ARAP2: variants seen among roughly 807,000 people sequenced by gnomAD.
The protein encoded by ARAP2 is arf-GAP with Rho-GAP domain, ANK repeat and PH domain-containing protein 2.
A neutral mutation model predicts 194.5 loss-of-function variants in ARAP2; 148 were observed. The observed-to-expected ratio is 0.76, with a 90% CI of 0.67 to 0.87. The LOEUF (loss-of-function observed/expected upper bound fraction) is 0.87. ARAP2 is among the 40% of genes least tolerant of loss of function. The pLI, the probability that ARAP2 is intolerant of heterozygous loss-of-function variation, is 0.00. For missense variants in ARAP2, 2,128 were observed against 1,989.7 expected, an observed-to-expected ratio of 1.07 and a Z score of -1.32; for synonymous variants, 695 against 683.5, an observed-to-expected ratio of 1.02 and a Z score of -0.26.
intron 6 of ARAP2, among the ~76,000 whole-genome samples, chr4:36,197,625 C>G (rs77085218): frequency 0.056 from 8,536 of 152,288 alleles, 271 homozygotes; most frequent in East Asian, 0.097. Flanking sequence ...ACGCTACCAG[C>G]CTGGATCCCA....
intron 32 of ARAP2, among the ~76,000 whole-genome samples, chr4:36,070,610 G>T (rs185854046): frequency 6.6e-6 from 1 of 152,290 alleles, no homozygotes; most frequent in Admixed American, 6.5e-5. Flanking sequence ...CATGGCTTTA[G>T]CCTGGGCCTT....
chr4:36,160,264 G>A (rs967835168), intron 13 of ARAP2, 195 bp downstream of exon 13: 1 of 1,180,458 alleles, frequency 8.5e-7, no homozygotes, highest in Non-Finnish European at 1.0e-6. Context: ...TATGGAGGAA[G>A]AATTTATGCT....
chr4:36,097,316 T>C (rs1293142489), intron 27 of ARAP2, among the ~76,000 whole-genome samples: 1 of 152,062 alleles, frequency 6.6e-6, no homozygotes, highest in Non-Finnish European at 1.5e-5. Flanking sequence ...TGAAGCTCTA[T>C]GATAAATATT....
Position 36,125,031 on chromosome 4 carries a change from TCAG to T in ARAP2, c.3641-67_3641-65del, listed in dbSNP as rs1472273054. On this transcript the variant is annotated intron_variant, in intron 21 of 32. Coordinates refer to ENST00000303965, the MANE Select transcript of ARAP2 (RefSeq NM_015230.4). ...ATTATCTATGTTATGGATTTGTCTA[TCAG>T]CAGTATTGTAAAACAGTCACAAACA... 7.5e-6 allele frequency: 8 copies of T among 1,067,846 alleles called. No homozygotes were observed. In the African/African-American group the frequency reaches 1.3e-4, roughly 17 times the overall value. 66.1% of individuals were successfully genotyped at this position (1,067,846 alleles called of 1,614,324 possible).
intron 25 of ARAP2, 145 bp from the exon 26 acceptor site, chr4:36,114,432 C>T (rs189679408): frequency 7.0e-6 from 4 of 574,196 alleles, no homozygotes; most frequent in Non-Finnish European, 9.2e-6. Context: ...TAATCCCATA[C>T]AGAAAACAGC....
intron 26 of ARAP2, among the ~76,000 whole-genome samples, chr4:36,110,074 C>T (rs1479420749): frequency 6.6e-6 from 1 of 151,658 alleles, no homozygotes; most frequent in East Asian, 1.9e-4. Context: ...AAGGTTTTGC[C>T]CCTTGCCTCA....
rs575567784 is a variant in ARAP2 at position 36,150,845 on chromosome 4, G to A, written c.2897+55C>T. The A allele has an allele frequency of 1.3e-5, 20 of 1,553,220 alleles. No individual in the cohort carries two copies. The South Asian group carries it at 2.2e-4, about 17-fold the overall frequency. On this transcript the variant is annotated intron_variant, in intron 16 of 32. Transcript: ENST00000303965. ...AATGATAACAAAACTCTCATTACCTGTTATAATTATCTGAAAATACCTTTT... is the reference window on the plus strand; with the variant it reads ...AATGATAACAAAACTCTCATTACCTATTATAATTATCTGAAAATACCTTTT...
intron 26 of ARAP2, among the ~76,000 whole-genome samples, chr4:36,112,390 C>T (rs976970789): frequency 4.8e-4 from 73 of 151,842 alleles, no homozygotes; most frequent in African/African-American, 1.6e-3. Context: ...AAGGAAGAGA[C>T]ATTTCACTTA....
intron 19 of ARAP2, among the ~76,000 whole-genome samples, chr4:36,142,333 A>G (rs1204952434): frequency 6.6e-6 from 1 of 151,568 alleles, no homozygotes; most frequent in Non-Finnish European, 1.5e-5. Context: ...TTTTCCATCA[A>G]AATTTAAACT....
chr4:36,220,564 T>A (rs1178083553), intron 2 of ARAP2, among the ~76,000 whole-genome samples: 1 of 152,100 alleles, frequency 6.6e-6, no homozygotes, highest in Non-Finnish European at 1.5e-5. Flanking sequence ...CCACTTATTT[T>A]TTTTTTAAGA....
chr4:36,198,284 G>T (rs1344706168), intron 6 of ARAP2, among the ~76,000 whole-genome samples: 1 of 152,188 alleles, frequency 6.6e-6, no homozygotes, highest in Non-Finnish European at 1.5e-5. Flanking sequence ...GCTGATCCGG[G>T]GGCTTTTATG....
intron 5 of ARAP2, among the ~76,000 whole-genome samples, chr4:36,027,010 C>G (rs1361484206): frequency 2.0e-5 from 3 of 152,198 alleles, no homozygotes; most frequent in South Asian, 2.1e-4. Context: ...TCTTGCTTTG[C>G]CTGTATGATC....
At chr4:36,123,744 G>T (rs938964202) in intron 22 of ARAP2, among the ~76,000 whole-genome samples, 1 of 151,746 alleles carries the variant, frequency 6.6e-6, no homozygotes, top group African/African-American at 2.4e-5. Flanking sequence ...TCACTTAAAG[G>T]ATAAAATCCA....
intron 7 of ARAP2, among the ~76,000 whole-genome samples, chr4:36,191,341 A>T (rs779822494): frequency 6.6e-5 from 10 of 152,126 alleles, no homozygotes; most frequent in Non-Finnish European, 1.2e-4. Flanking sequence ...TTAAAGAGAA[A>T]ACAATTCCTT....
chr4:36,111,452 T>C (rs1022043378), intron 26 of ARAP2, among the ~76,000 whole-genome samples: 5 of 152,004 alleles, frequency 3.3e-5, no homozygotes, highest in South Asian at 2.1e-4. Context: ...ACTTGTACAG[T>C]TGACAAAACA....
At chr4:36,195,208 C>T (rs533506554) in intron 6 of ARAP2, among the ~76,000 whole-genome samples, 1 of 152,078 alleles carries the variant, frequency 6.6e-6, no homozygotes, top group Non-Finnish European at 1.5e-5. Context: ...AACTGACCAC[C>T]CAGCCCTCTT....
intron 27 of ARAP2, among the ~76,000 whole-genome samples, chr4:36,100,716 G>C (rs978401887): frequency 6.6e-6 from 1 of 151,924 alleles, no homozygotes; most frequent in Non-Finnish European, 1.5e-5. Context: ...ACCAAACTGG[G>C]CATAATCACT....
intron 19 of ARAP2, among the ~76,000 whole-genome samples, chr4:36,146,372 C>T (rs1428797691): frequency 6.6e-6 from 1 of 152,002 alleles, no homozygotes; most frequent in Non-Finnish European, 1.5e-5. Flanking sequence ...AGCAGCTTCC[C>T]ATCATATTTT....
At chr4:36,206,814 T>A (rs1005563720) in intron 6 of ARAP2, among the ~76,000 whole-genome samples, 29 of 152,112 alleles carry the variant, frequency 1.9e-4, no homozygotes, top group African/African-American at 6.8e-4. Flanking sequence ...CTTTTAGCTG[T>A]CTCAGGCTCA....
Sources: allele counts gnomAD v4.1 joint callset (sites outside exome capture counted in the v4.1 genomes callset), GRCh38; gene constraint gnomAD v4.1.1; transcripts MANE v1.5; gene names NCBI Gene and HGNC (gene_info 2026-07-23, HGNC 2026-07-21).